The following RASAL2 variants were observed in gnomAD, a reference collection of about 807,000 sequenced individuals.
The protein encoded by RASAL2 is RAS protein activator like 2, also known as ras GTPase-activating protein nGAP.
RASAL2 carries 58 observed loss-of-function variants against 128.9 expected under a neutral mutation model. The ratio of observed to expected loss-of-function variants is 0.45; its 90% CI spans 0.36 to 0.56. The LOEUF is 0.56. Among genes scored for constraint, RASAL2 ranks in the 20% least tolerant of loss-of-function variants. The pLI is 0.00. For synonymous variants in RASAL2, 561 were observed against 580.8 expected (o/e 0.97, Z 0.49); for missense variants, 1,360 against 1,601.6 (o/e 0.85, Z 2.57).
chr1:178,185,105 G>A (rs1050075470), intron 1 of RASAL2, among the ~76,000 whole-genome samples: 5 of 149,564 alleles, frequency 3.3e-5, no homozygotes, highest in African/African-American at 1.2e-4. Flanking sequence ...AATGGTTTTA[G>A]TTTTTGTTTT....
chr1:178,319,214 G>A (rs1668633627), intron 3 of RASAL2, among the ~76,000 whole-genome samples: 1 of 151,884 alleles, frequency 6.6e-6, no homozygotes, highest in South Asian at 2.1e-4. Context: ...TTTTTCTCTG[G>A]CTGCCCTTAA....
At chr1:178,312,928 G>A (rs989236676) in intron 3 of RASAL2, among the ~76,000 whole-genome samples, 1 of 152,130 alleles carries the variant, frequency 6.6e-6, no homozygotes, top group East Asian at 1.9e-4. Flanking sequence ...TTTAATCCTT[G>A]TAAACCCAAG....
At chr1:178,300,240 C>T (rs41267178) in intron 3 of RASAL2, 122 bp downstream of exon 3, 15 of 1,147,430 alleles carry the variant, frequency 1.3e-5, no homozygotes, top group African/African-American at 7.8e-5. Flanking sequence ...ATCAATGGCA[C>T]GTTAAGCGAG....
At chr1:178,415,160 T>C (rs1328887197) in intron 4 of RASAL2, among the ~76,000 whole-genome samples, 1 of 152,142 alleles carries the variant, frequency 6.6e-6, no homozygotes, top group Non-Finnish European at 1.5e-5. Flanking sequence ...ACACTTAGTA[T>C]TGGGTTTAGA....
At position 178,451,563 on chromosome 1, in the gene RASAL2, T is replaced by G; in HGVS notation, c.1628-8T>G. On this transcript the variant is annotated splice_region_variant and splice_polypyrimidine_tract_variant and intron_variant, in intron 9 of 17. Transcript: ENST00000367649. ...ATAGCTATACCGTTATCTTCTCTCT[T>G]CAAATAGGGGAGTTTATCAAAGCTT... The G allele has an allele frequency of 5.6e-6, 9 of 1,612,518 alleles. No homozygotes were observed. Among genetic ancestry groups the G allele is most frequent in the East Asian group, 2.2e-5 (1 of 44,846 alleles).
intron 1 of RASAL2, among the ~76,000 whole-genome samples, chr1:178,214,454 CA>C (rs1313558699): frequency 6.6e-6 from 1 of 151,988 alleles, no homozygotes; most frequent in Non-Finnish European, 1.5e-5. Flanking sequence ...AATGCTAAGC[CA>C]AAGATAAAAA....
chr1:178,464,344 A>C lies in RASAL2; in HGVS notation c.3319A>C (p.Asn1107His), dbSNP rs768541015. Residue 1107 changes from asparagine (N) to histidine (H), a missense_variant, in exon 15 of 18, where the codon AAT becomes CAT. Physicochemically the swap from Asn to His is moderately conservative, Grantham distance 68. This residue lies in a region of RASAL2 where 741 missense variants were observed against 868.6 expected (regional missense o/e 0.85). Transcript: ENST00000367649. ...GAGGACAGCAGCCTGGGTTCTGAAC[A>C]ATGGGCAGTATGAAGAGGATGTGGA... ...VERTAAWVLNNGQYEEDVEET... is the reference protein window; with the variant it reads ...VERTAAWVLNHGQYEEDVEET... 3 of 1,613,770 alleles carry C rather than the reference A, an allele frequency of 1.9e-6. No homozygotes were observed. In the African/African-American group the frequency reaches 4.0e-5, roughly 22 times the overall value.
chr1:178,326,585 C>A (rs1669049306), intron 3 of RASAL2, among the ~76,000 whole-genome samples: 1 of 152,072 alleles, frequency 6.6e-6, no homozygotes, highest in Non-Finnish European at 1.5e-5. Flanking sequence ...ACTCTTGTTG[C>A]CCAGGCTGGA....
chr1:178,372,086 CA>C, intron 3 of RASAL2: 1 of 842,382 alleles, frequency 1.2e-6, no homozygotes, highest in Non-Finnish European at 1.4e-6. Flanking sequence ...AGACAGAATT[CA>C]GAGTGGAGGG....
At chr1:178,206,396 G>A (rs1663048217) in intron 1 of RASAL2, among the ~76,000 whole-genome samples, 1 of 152,152 alleles carries the variant, frequency 6.6e-6, no homozygotes, top group South Asian at 2.1e-4. Flanking sequence ...AAGGATTATT[G>A]ATAATAGGTG....
At chr1:178,230,404 T>C (rs1466754666) in intron 1 of RASAL2, among the ~76,000 whole-genome samples, 1 of 152,200 alleles carries the variant, frequency 6.6e-6, no homozygotes, top group Non-Finnish European at 1.5e-5. Context: ...CATTTTGTGC[T>C]CCCATTACCA....
intron 5 of RASAL2, among the ~76,000 whole-genome samples, chr1:178,438,982 G>C (rs1297837938): frequency 6.7e-6 from 1 of 148,582 alleles, no homozygotes; most frequent in Non-Finnish European, 1.5e-5. Context: ...CTACTATTCT[G>C]TCAATCATAT....
intron 1 of RASAL2, among the ~76,000 whole-genome samples, chr1:178,212,578 G>A (rs1251848512): frequency 1.3e-5 from 2 of 151,664 alleles, no homozygotes; most frequent in African/African-American, 2.4e-5. Context: ...TGCAACGTCC[G>A]CCTCCTGGGT....
At chr1:178,244,743 C>T (rs1388593170) in intron 1 of RASAL2, among the ~76,000 whole-genome samples, 2 of 152,082 alleles carry the variant, frequency 1.3e-5, no homozygotes, top group African/African-American at 4.8e-5. Context: ...CATCCCCCAA[C>T]AGGCCCCGGT....
intron 3 of RASAL2, among the ~76,000 whole-genome samples, chr1:178,378,586 A>G (rs902754364): frequency 1.3e-5 from 2 of 152,156 alleles, no homozygotes; most frequent in South Asian, 2.1e-4. Context: ...TACGGATTGC[A>G]TTCTCTAATA....
At chr1:178,388,712 G>A (rs1216297484) in intron 3 of RASAL2, among the ~76,000 whole-genome samples, 1 of 152,206 alleles carries the variant, frequency 6.6e-6, no homozygotes, top group East Asian at 1.9e-4. Context: ...GATTTTCATA[G>A]GAGGAATTGA....
intron 1 of RASAL2, among the ~76,000 whole-genome samples, chr1:178,155,007 G>C (rs1034630739): frequency 1.3e-5 from 2 of 152,072 alleles, no homozygotes; most frequent in African/African-American, 2.4e-5. Flanking sequence ...ATTTTTAGTA[G>C]AGATGGGGTT....
chr1:178,389,223 G>A, intron 3 of RASAL2: 1 of 968,930 alleles, frequency 1.0e-6, no homozygotes, highest in Non-Finnish European at 1.2e-6. Flanking sequence ...CCTTGTCCAT[G>A]TTGAGATTAT....
chr1:178,374,055 T>C (rs984008137), intron 3 of RASAL2, among the ~76,000 whole-genome samples: 1 of 152,144 alleles, frequency 6.6e-6, no homozygotes, highest in Non-Finnish European at 1.5e-5. Flanking sequence ...TATCCCATGC[T>C]CTGCTGTGGC....
Sources: allele counts gnomAD v4.1 joint callset (sites outside exome capture counted in the v4.1 genomes callset), GRCh38; gene constraint gnomAD v4.1.1; regional missense constraint gnomAD v4.1.1; transcripts MANE v1.5; gene names NCBI Gene and HGNC (gene_info 2026-07-23, HGNC 2026-07-21).